The following NIPBL variants were observed in gnomAD, a reference collection of about 807,000 sequenced individuals.
The protein encoded by NIPBL is nipped-B-like protein.
A neutral mutation model predicts 321.8 loss-of-function variants in NIPBL; 19 were observed. The ratio of observed to expected loss-of-function variants is 0.06; its 90% CI spans 0.04 to 0.09. The LOEUF (loss-of-function observed/expected upper bound fraction) is 0.09, where lower values mean the gene tolerates loss of function less well. Among genes scored for constraint, NIPBL ranks in the 10% least tolerant of loss-of-function variants. The pLI, the probability that NIPBL is intolerant of heterozygous loss-of-function variation, is 1.00. For missense variants in NIPBL, 2,210 were observed against 3,327.0 expected (o/e 0.66, Z 8.26); for synonymous variants, 1,106 against 1,114.1 (o/e 0.99, Z 0.14).
intron 9 of NIPBL, among the ~76,000 whole-genome samples, chr5:36,979,671 C>T (rs1420300310): frequency 6.6e-6 from 1 of 151,364 alleles, no homozygotes; most frequent in Non-Finnish European, 1.5e-5. Flanking sequence ...TTGCTTGTAC[C>T]TCTTCTCTTT....
intron 14 of NIPBL, among the ~76,000 whole-genome samples, 164 bp downstream of exon 14, chr5:37,001,242 G>A (rs945441947): frequency 8.6e-5 from 13 of 151,994 alleles, no homozygotes; most frequent in African/African-American, 3.1e-4. Flanking sequence ...TCTGTTATTT[G>A]ACTAGCAACT....
intron 9 of NIPBL, among the ~76,000 whole-genome samples, chr5:36,977,438 G>C (rs1255971673): frequency 6.6e-6 from 1 of 151,722 alleles, no homozygotes; most frequent in African/African-American, 2.4e-5. Flanking sequence ...TTTCCTGTCT[G>C]TCATGATGGC....
chr5:37,050,258 G>A (rs3849756), intron 40 of NIPBL, among the ~76,000 whole-genome samples: 18,716 of 151,884 alleles, frequency 0.12, 1,253 homozygotes, highest in Admixed American at 0.19. Context: ...TGAGTCAGGA[G>A]TTCAAAACCA....
At chr5:36,923,442 ATAAC>A (rs1749110733) in intron 1 of NIPBL, among the ~76,000 whole-genome samples, 1 of 152,162 alleles carries the variant, frequency 6.6e-6, no homozygotes, top group African/African-American at 2.4e-5. Flanking sequence ...TCTTGATCTG[ATAAC>A]TAGAGTAATC....
chr5:37,064,967 CAA>C lies in NIPBL; in HGVS notation c.*83_*84del. 2 of 1,531,248 alleles carry C rather than the reference CAA, an allele frequency of 1.3e-6. No individual in the cohort carries two copies. Among genetic ancestry groups the C allele is most frequent in the Non-Finnish European group, 8.9e-7 (1 of 1,125,470 alleles). The allele number at this position is 1,531,248 out of a possible 1,614,324, so 94.9% of individuals were successfully genotyped here. On this transcript the variant is annotated 3_prime_UTR_variant, in exon 47 of 47. Transcript: ENST00000282516. Reference sequence around the variant, plus strand: ...AAAACTTGAAATACCAACATTCTGGCAAAAAAAAATCAGTTTTATGAAGAGTA... The same window carrying C: ...AAAACTTGAAATACCAACATTCTGGCAAAAAAATCAGTTTTATGAAGAGTA...
At chr5:36,903,495 C>T (rs1318825838) in intron 1 of NIPBL, among the ~76,000 whole-genome samples, 3 of 152,074 alleles carry the variant, frequency 2.0e-5, no homozygotes, top group Non-Finnish European at 4.4e-5. Context: ...TTATCTACTT[C>T]CTCTAGCCTG....
At chr5:36,950,155 C>T (rs1427010435) in intron 1 of NIPBL, among the ~76,000 whole-genome samples, 1 of 151,972 alleles carries the variant, frequency 6.6e-6, no homozygotes, top group Non-Finnish European at 1.5e-5. Context: ...AGGCCCAAGA[C>T]TATGACTTTT....
At chr5:36,926,904 A>AT (rs1438918262) in intron 1 of NIPBL, among the ~76,000 whole-genome samples, 3 of 152,090 alleles carry the variant, frequency 2.0e-5, no homozygotes. Context: ...GGTTTCATGT[A>AT]TTTTTTTACC....
intron 1 of NIPBL, among the ~76,000 whole-genome samples, chr5:36,877,947 C>T (rs1315539125): frequency 1.3e-5 from 2 of 152,148 alleles, no homozygotes; most frequent in Admixed American, 6.5e-5. Context: ...TATTCAAAGA[C>T]AAGTATAAAG....
chr5:37,016,327 T>G (rs1748988731), intron 23 of NIPBL, among the ~76,000 whole-genome samples, 157 bp downstream of exon 23: 1 of 152,214 alleles, frequency 6.6e-6, no homozygotes, highest in African/African-American at 2.4e-5. Context: ...ATATTGTCAG[T>G]ACCTTGTAGA....
intron 1 of NIPBL, among the ~76,000 whole-genome samples, chr5:36,937,523 A>T (rs1251907045): frequency 6.6e-6 from 1 of 152,030 alleles, no homozygotes; most frequent in African/African-American, 2.4e-5. Context: ...CATTTGCTGG[A>T]TTGTACTTTC....
intron 22 of NIPBL, 46 bp from the exon 23 acceptor site, chr5:37,015,992 T>A: frequency 6.2e-7 from 1 of 1,602,894 alleles, no homozygotes; most frequent in Non-Finnish European, 8.5e-7. Flanking sequence ...ATGACTGACA[T>A]GTGTCACCTA....
intron 10 of NIPBL, among the ~76,000 whole-genome samples, chr5:36,989,610 G>A (rs1206282989): frequency 5.9e-5 from 9 of 151,996 alleles, no homozygotes; most frequent in African/African-American, 2.2e-4. Flanking sequence ...GGCCAAGGTG[G>A]GTGGATCATT....
chr5:36,898,749 G>GA (rs1242498867), intron 1 of NIPBL, among the ~76,000 whole-genome samples: 3 of 152,000 alleles, frequency 2.0e-5, no homozygotes, highest in African/African-American at 7.2e-5. Flanking sequence ...GACCTCAGGC[G>GA]ATCCACCCAC....
At chr5:36,880,157 ATTTTC>A (rs1426986330) in intron 1 of NIPBL, among the ~76,000 whole-genome samples, 2 of 151,950 alleles carry the variant, frequency 1.3e-5, no homozygotes, top group African/African-American at 2.4e-5. Flanking sequence ...CCAATACAAA[ATTTTC>A]TTTACTTGCA....
At chr5:36,977,958 T>C (rs1295536645) in intron 9 of NIPBL, among the ~76,000 whole-genome samples, 1 of 151,924 alleles carries the variant, frequency 6.6e-6, no homozygotes, top group Non-Finnish European at 1.5e-5. Flanking sequence ...TCTTTATGAT[T>C]GTGTACCACG....
chr5:36,885,069 AT>A (rs58959442), intron 1 of NIPBL: 4,279 of 215,362 alleles, frequency 0.02, 51 homozygotes, highest in Middle Eastern at 0.033. Flanking sequence ...TGCAGTTTTA[AT>A]TTTTTTTTTG....
chr5:36,983,877 C>G (rs1224339415), intron 9 of NIPBL, among the ~76,000 whole-genome samples: 2 of 151,918 alleles, frequency 1.3e-5, no homozygotes, highest in Middle Eastern at 3.2e-3. Context: ...GAATGGATCC[C>G]AGAACATTAT....
intron 1 of NIPBL, among the ~76,000 whole-genome samples, chr5:36,908,820 G>A (rs1747837069): frequency 1.3e-5 from 2 of 152,104 alleles, no homozygotes; most frequent in South Asian, 2.1e-4. Flanking sequence ...AGAAGTAATC[G>A]GTCAGGTGCA....
Sources: gnomAD v4.1 joint callset for allele counts (sites outside exome capture counted in the v4.1 genomes callset) on GRCh38, gnomAD v4.1.1 for gene constraint, MANE v1.5 for transcripts, NCBI Gene and HGNC (gene_info 2026-07-23, HGNC 2026-07-21) for gene names.